Variants in LRMDA observed in about 807,000 individuals in gnomAD.
LRMDA encodes leucine-rich melanocyte differentiation-associated protein.
In LRMDA, 18 loss-of-function variants were observed where a neutral mutation model predicts 29.8. The observed-to-expected ratio is 0.60, with a 90% CI of 0.42 to 0.90. LRMDA has a LOEUF of 0.90. Ranked by LOEUF, LRMDA falls within the 40% of genes least tolerant of loss-of-function variation. The pLI is 0.00. For missense variants in LRMDA, 273 were observed against 273.9 expected (o/e 1.00, Z 0.02); for synonymous variants, 125 against 109.4 (o/e 1.14, Z -0.89).
intron 6 of LRMDA, among the ~76,000 whole-genome samples, chr10:76,481,368 C>A (rs1397881388): frequency 6.6e-6 from 1 of 151,878 alleles, no homozygotes; most frequent in East Asian, 2.0e-4. Context: ...GATGAATGAA[C>A]TCAGCACATT....
chr10:76,043,349 G>T (rs983192219), intron 3 of LRMDA, among the ~76,000 whole-genome samples: 3 of 152,126 alleles, frequency 2.0e-5, no homozygotes, highest in Admixed American at 1.3e-4. Flanking sequence ...AATTTAACTA[G>T]ACACAGAAGT....
chr10:75,503,196 T>TA (rs1319500416), intron 2 of LRMDA, among the ~76,000 whole-genome samples: 61 of 152,148 alleles, frequency 4.0e-4, no homozygotes, highest in African/African-American at 8.7e-4. Flanking sequence ...TTTTTTTTTT[T>TA]TTATTATTAC....
At chr10:75,995,534 CCAAGTCAACAGTTTT>C (rs1440196983) in intron 2 of LRMDA, among the ~76,000 whole-genome samples, 1 of 152,176 alleles carries the variant, frequency 6.6e-6, no homozygotes, top group Non-Finnish European at 1.5e-5. Flanking sequence ...GTAAACTTGA[CCAAGTCAACAGTTTT>C]CCTCTTTGAA....
At chr10:75,528,063 G>C (rs1845434829) in intron 2 of LRMDA, among the ~76,000 whole-genome samples, 1 of 152,050 alleles carries the variant, frequency 6.6e-6, no homozygotes, top group Non-Finnish European at 1.5e-5. Context: ...TGGGATTATA[G>C]GTGTGAGCCA....
At chr10:75,476,199 G>A (rs1844789522) in intron 2 of LRMDA, among the ~76,000 whole-genome samples, 1 of 152,166 alleles carries the variant, frequency 6.6e-6, no homozygotes, top group African/African-American at 2.4e-5. Context: ...TAAGTTGATT[G>A]GTTTTATGGC....
intron 6 of LRMDA, among the ~76,000 whole-genome samples, chr10:76,437,857 C>A (rs1278159950): frequency 2.0e-5 from 3 of 152,206 alleles, no homozygotes; most frequent in African/African-American, 7.2e-5. Context: ...CTGAGCCAGT[C>A]CTTCGCCAAG....
chr10:75,572,789 G>T (rs991456352), intron 2 of LRMDA, among the ~76,000 whole-genome samples: 1 of 152,134 alleles, frequency 6.6e-6, no homozygotes, highest in Admixed American at 6.5e-5. Flanking sequence ...CTTCAGGGAG[G>T]TAATTAAGTT....
At chr10:75,958,386 A>G (rs1846702150) in intron 2 of LRMDA, among the ~76,000 whole-genome samples, 1 of 152,252 alleles carries the variant, frequency 6.6e-6, no homozygotes, top group Non-Finnish European at 1.5e-5. Flanking sequence ...TTACCTTGTT[A>G]GAAACATTAT....
intron 2 of LRMDA, among the ~76,000 whole-genome samples, chr10:75,803,214 T>C (rs1371392792): frequency 6.6e-6 from 1 of 152,150 alleles, no homozygotes; most frequent in Non-Finnish European, 1.5e-5. Flanking sequence ...ATCAGAGGCA[T>C]TTTACCAAAC....
intron 2 of LRMDA, among the ~76,000 whole-genome samples, chr10:75,589,526 G>T (rs1211496010): frequency 6.6e-6 from 1 of 152,062 alleles, no homozygotes; most frequent in African/African-American, 2.4e-5. Flanking sequence ...GCTGAGGCAG[G>T]CGGACTGCTT....
intron 2 of LRMDA, among the ~76,000 whole-genome samples, chr10:75,978,545 C>A (rs551857475): frequency 6.6e-6 from 1 of 152,278 alleles, no homozygotes; most frequent in Admixed American, 6.5e-5. Context: ...TTTAGCTTGG[C>A]AGCCACATGC....
intron 2 of LRMDA, among the ~76,000 whole-genome samples, chr10:75,456,807 C>T (rs1176057851): frequency 6.6e-6 from 1 of 152,198 alleles, no homozygotes; most frequent in African/African-American, 2.4e-5. Flanking sequence ...TCCCGAGTAG[C>T]TGGGATTACA....
chr10:75,524,317 C>T lies in LRMDA; in HGVS notation c.131+85823C>T, dbSNP rs868622624. Among the ~76,000 whole-genome samples the T allele has an allele frequency of 5.3e-5, 8 of 152,232 alleles. 1 individual carries two copies. The South Asian group carries it at 1.7e-3, about 32-fold the overall frequency. Reference sequence around the variant, plus strand: ...AGAGTGGATTGTGGAGACAGACCTGCTCAAGTTTGAATCTGTTCTCTGCCT... The same window carrying T: ...AGAGTGGATTGTGGAGACAGACCTGTTCAAGTTTGAATCTGTTCTCTGCCT... On this transcript the variant is annotated intron_variant, in intron 2 of 6. Coordinates refer to ENST00000611255, the MANE Select transcript of LRMDA (RefSeq NM_001305581.2).
At chr10:76,004,872 C>T (rs915125833) in intron 2 of LRMDA, among the ~76,000 whole-genome samples, 54 of 152,002 alleles carry the variant, frequency 3.6e-4, no homozygotes, top group Admixed American at 9.2e-4. Context: ...GGACTACAGG[C>T]GCCTGCCACC....
intron 5 of LRMDA, among the ~76,000 whole-genome samples, chr10:76,201,358 G>A (rs147533448): frequency 2.2e-4 from 33 of 152,322 alleles, no homozygotes; most frequent in Non-Finnish European, 4.4e-4. Flanking sequence ...CTCCCAAAGT[G>A]CAGGGATTAC....
chr10:75,598,160 C>A (rs1308848505), intron 2 of LRMDA, among the ~76,000 whole-genome samples: 1 of 152,148 alleles, frequency 6.6e-6, no homozygotes, highest in Non-Finnish European at 1.5e-5. Context: ...GAAGAGAATA[C>A]AGTGTGTATT....
intron 6 of LRMDA, among the ~76,000 whole-genome samples, chr10:76,379,352 C>T (rs776759406): frequency 4.6e-5 from 7 of 151,974 alleles, no homozygotes; most frequent in African/African-American, 1.2e-4. Flanking sequence ...TCTGTCTGGT[C>T]GTGGGCATTT....
At position 75,870,399 on chromosome 10, in the gene LRMDA, T is replaced by A. The variant is rs185809534; in HGVS notation, c.132-165609T>A. ...TTAGAAACATGTGTTATGTACGACA[T>A]TTGGGAGAATTAAGAAGTGAGTCAC... On this transcript the variant is annotated intron_variant, in intron 2 of 6. Coordinates refer to ENST00000611255, the MANE Select transcript of LRMDA (RefSeq NM_001305581.2). 1.1e-4 allele frequency among the ~76,000 whole-genome samples: 16 copies of A among 152,268 alleles called. No individual in the cohort carries two copies. In the East Asian group the frequency reaches 3.1e-3, roughly 29 times the overall value.
intron 2 of LRMDA, among the ~76,000 whole-genome samples, chr10:75,761,632 G>T (rs1390935573): frequency 6.6e-6 from 1 of 152,096 alleles, no homozygotes; most frequent in Non-Finnish European, 1.5e-5. Flanking sequence ...GTACAATATT[G>T]TGAATGTACT....
Sources: gnomAD v4.1 joint callset for allele counts (sites outside exome capture counted in the v4.1 genomes callset) on GRCh38, gnomAD v4.1.1 for gene constraint, MANE v1.5 for transcripts, NCBI Gene and HGNC (gene_info 2026-07-23, HGNC 2026-07-21) for gene names.